Variants in PTGES3 observed in about 807,000 individuals in gnomAD.
The protein encoded by PTGES3 is prostaglandin E synthase 3.
A neutral mutation model predicts 29.9 loss-of-function variants in PTGES3; 5 were observed. The ratio of observed to expected loss-of-function variants is 0.17; its 90% CI spans 0.09 to 0.35. The LOEUF (loss-of-function observed/expected upper bound fraction) is 0.35. PTGES3 is among the 10% of genes least tolerant of loss of function. The probability of loss-of-function intolerance (pLI) is 1.00; values close to 1 mark genes in which losing one functional copy is unlikely to be tolerated. For missense variants in PTGES3, 128 were observed against 190.0 expected (o/e 0.67, Z 1.92); for synonymous variants, 49 against 57.8 (o/e 0.85, Z 0.69).
In PTGES3 at chr12:56,663,488, T is replaced by C. The variant is rs1432289452; in HGVS notation, c.*991A>G. 1 of 152,390 alleles carries C rather than the reference T, an allele frequency of 6.6e-6. No homozygotes were observed. The highest frequency in any genetic ancestry group is 1.5e-5 in the Non-Finnish European group (1 of 68,046). 9.4% of individuals were successfully genotyped at this position (152,390 alleles called of 1,614,324 possible). On this transcript the variant is annotated 3_prime_UTR_variant, in exon 8 of 8. Transcript: ENST00000262033. ...TCCTGTGACATTACAGCAAGCCTCT[T>C]TTTTCAAACAGAGGAATAATCCCAA... is the stretch of plus-strand genomic sequence containing the variant.
intron 5 of PTGES3, among the ~76,000 whole-genome samples, chr12:56,669,243 G>A (rs1018948858): frequency 2.6e-5 from 4 of 151,846 alleles, no homozygotes; most frequent in East Asian, 1.9e-4. Context: ...TGCCCAGACT[G>A]GAGTGCAATA....
intron 1 of PTGES3, chr12:56,687,340 T>C (rs1390433300): frequency 1.0e-6 from 1 of 988,664 alleles, no homozygotes; most frequent in Middle Eastern, 5.2e-4. Context: ...TCCTCCTCGC[T>C]GCCAGGGAAG....
At position 56,683,220 on chromosome 12, in the gene PTGES3, C is replaced by T. The variant is rs1264445716; in HGVS notation, c.2+4778G>A. ...TAAAATTAGGCCAGATGCAGTGGCT[C>T]ACACCTGTAATCCCAGCACTTTCTG... On this transcript the variant is annotated intron_variant, in intron 1 of 7. Transcript: ENST00000262033. Among the ~76,000 whole-genome samples, 5 of 151,720 alleles carry T rather than the reference C, an allele frequency of 3.3e-5. No individual in the cohort carries two copies. In the East Asian group the frequency reaches 5.8e-4, roughly 18 times the overall value.
At chr12:56,686,907 C>A in intron 1 of PTGES3, 1 of 384,058 alleles carries the variant, frequency 2.6e-6, no homozygotes, top group Admixed American at 4.7e-5. Flanking sequence ...CTTCTCTCTT[C>A]TGAATGGAGT....
Position 56,670,767 on chromosome 12 carries a change from G to A in PTGES3, c.286-403C>T, listed in dbSNP as rs974301435. ...CTGGCAAAACAATATTTTTTGAACT[G>A]TGACTTTGTATTTTTAGGAGGGCAT... On this transcript the variant is annotated intron_variant, in intron 4 of 7. Coordinates refer to ENST00000262033, the MANE Select transcript of PTGES3 (RefSeq NM_006601.7). 7 of 172,646 alleles carry A rather than the reference G, an allele frequency of 4.1e-5. No individual in the cohort carries two copies. The South Asian group carries it at 7.2e-4, about 18-fold the overall frequency. The allele number at this position is 172,646 out of a possible 1,614,324, so 10.7% of individuals were successfully genotyped here. A position where few individuals can be genotyped will look rare whatever the true frequency, so the allele number is the denominator to read the frequency against.
intron 1 of PTGES3, among the ~76,000 whole-genome samples, chr12:56,673,707 C>T (rs1373726110): frequency 1.3e-5 from 2 of 148,248 alleles, no homozygotes; most frequent in African/African-American, 5.0e-5. Flanking sequence ...GCAGGAGCAT[C>T]GCTTGAACCT....
intron 1 of PTGES3, among the ~76,000 whole-genome samples, chr12:56,685,850 C>T (rs545139559): frequency 4.3e-4 from 62 of 142,948 alleles, no homozygotes; most frequent in African/African-American, 1.6e-3. Flanking sequence ...AATCTCTGCT[C>T]ACTGAAACCT....
chr12:56,669,367 C>T (rs1364637164), intron 5 of PTGES3, among the ~76,000 whole-genome samples: 1 of 151,764 alleles, frequency 6.6e-6, no homozygotes, highest in African/African-American at 2.4e-5. Context: ...TAATTTTGTT[C>T]ACGCCTTCTG....
At chr12:56,667,482 A>G (rs557440469) in intron 5 of PTGES3, among the ~76,000 whole-genome samples, 1 of 152,348 alleles carries the variant, frequency 6.6e-6, no homozygotes, top group East Asian at 1.9e-4. Context: ...AGTATCATTC[A>G]GCCTTAAAGA....
At chr12:56,687,689 C>G in intron 1 of PTGES3, 1 of 1,296,270 alleles carries the variant, frequency 7.7e-7, no homozygotes, top group Non-Finnish European at 9.8e-7. Flanking sequence ...GAGCAGCTAC[C>G]GGGAGCTTAA....
At chr12:56,677,314 T>A (rs990126811) in intron 1 of PTGES3, among the ~76,000 whole-genome samples, 1 of 151,820 alleles carries the variant, frequency 6.6e-6, no homozygotes. Context: ...CACCTTTGTA[T>A]CTTAGAGTGG....
chr12:56,669,007 A>ATTTTTT (rs577249197), intron 5 of PTGES3, among the ~76,000 whole-genome samples: 42,275 of 95,410 alleles, frequency 0.44, 7,995 homozygotes, highest in South Asian at 0.58. Flanking sequence ...TTCACCATGA[A>ATTTTTT]TTTTTTTTTT....
At chr12:56,684,421 G>C (rs1446974589) in intron 1 of PTGES3, among the ~76,000 whole-genome samples, 1 of 152,180 alleles carries the variant, frequency 6.6e-6, no homozygotes, top group Non-Finnish European at 1.5e-5. Context: ...CCCACCATCA[G>C]ATACTCAAGT....
chr12:56,682,339 G>T (rs999413793), intron 1 of PTGES3, among the ~76,000 whole-genome samples: 1 of 152,150 alleles, frequency 6.6e-6, no homozygotes, highest in Non-Finnish European at 1.5e-5. Flanking sequence ...AGGGAAGACT[G>T]CTTGAGCCCA....
rs1235690062 is a variant in PTGES3, at chr12:56,680,958, G to T, written c.2+7040C>A. ...ACACACCCAGGTTATTTTTTGTAGA[G>T]ATGGGGTCTTACCTTGTTGCCCAGG... is the stretch of plus-strand genomic sequence containing the variant. On this transcript the variant is annotated intron_variant, in intron 1 of 7. Coordinates refer to ENST00000262033, the MANE Select transcript of PTGES3 (RefSeq NM_006601.7). Among the ~76,000 whole-genome samples, 7 of 151,844 alleles carry T rather than the reference G, an allele frequency of 4.6e-5. No homozygotes were observed. In the East Asian group the frequency reaches 1.4e-3, roughly 30 times the overall value.
chr12:56,669,104 G>C (rs769661061), intron 5 of PTGES3, among the ~76,000 whole-genome samples: 7 of 144,022 alleles, frequency 4.9e-5, no homozygotes, highest in Non-Finnish European at 1.0e-4. Flanking sequence ...CTACCTCCTG[G>C]GTTCAAGCAA....
chr12:56,686,837 A>C (rs991858189), intron 1 of PTGES3: 2 of 398,208 alleles, frequency 5.0e-6, no homozygotes, highest in Non-Finnish European at 8.8e-6. Context: ...CAGCCTCAGT[A>C]TCATGACTTG....
intron 5 of PTGES3, among the ~76,000 whole-genome samples, chr12:56,670,015 G>A (rs903911379): frequency 6.8e-6 from 1 of 147,114 alleles, no homozygotes; most frequent in African/African-American, 2.5e-5. Flanking sequence ...TAGCAAACTA[G>A]CTGTGTTAGT....
intron 5 of PTGES3, among the ~76,000 whole-genome samples, chr12:56,667,984 C>T (rs55670153): frequency 6.6e-6 from 1 of 152,008 alleles, no homozygotes; most frequent in Non-Finnish European, 1.5e-5. Context: ...GGTGGGCACC[C>T]GTAATCCCAG....
Sources: gnomAD v4.1 joint callset for allele counts (sites outside exome capture counted in the v4.1 genomes callset) on GRCh38, gnomAD v4.1.1 for gene constraint, MANE v1.5 for transcripts, NCBI Gene and HGNC (gene_info 2026-07-23, HGNC 2026-07-21) for gene names.